ZFHX3: variants seen among roughly 807,000 people sequenced by gnomAD.
ZFHX3 encodes the protein zinc finger homeobox protein 3.
Under a neutral mutation model 279.1 loss-of-function variants are expected in ZFHX3, and 42 were observed. That is an observed-to-expected ratio of 0.15 (90% confidence interval 0.12 to 0.19). The LOEUF (loss-of-function observed/expected upper bound fraction) is 0.19, where lower values mean the gene tolerates loss of function less well. ZFHX3 is among the 10% of genes least tolerant of loss of function. ZFHX3 has a pLI of 1.00. For synonymous variants in ZFHX3, 2,293 were observed against 1,957.8 expected, an observed-to-expected ratio of 1.17 and a Z score of -4.52; for missense variants, 4,981 against 4,754.0, an observed-to-expected ratio of 1.05 and a Z score of -1.40.
At chr16:72,836,647 T>C (rs1230166078) in intron 4 of ZFHX3, among the ~76,000 whole-genome samples, 1 of 151,910 alleles carries the variant, frequency 6.6e-6, no homozygotes, top group Non-Finnish European at 1.5e-5. Context: ...TGGATAATCA[T>C]CTAAATTAAA....
rs142733173 is a variant in ZFHX3 at position 72,793,331 on chromosome 16, C to G, written c.9351G>C (p.Ala3117=). ...GCAACACAGGAGGAATGCCCTGGAG[C>G]GCTGGATATGCTGTAGGAAGGTTAA... ...QALNLPTAYP[A]LQGIPPVLLP... The change falls in exon 9 of 10, where the codon GCG becomes GCC. Residue 3117 remains alanine, a synonymous_variant. Coordinates refer to ENST00000268489, the MANE Select transcript of ZFHX3 (RefSeq NM_006885.4). The surrounding 1 kb of genome is among the most constrained non-coding windows in gnomAD (Gnocchi z 4.3). 3.7e-6 allele frequency: 6 copies of G among 1,614,150 alleles called. No individual in the cohort carries two copies. In the East Asian group the frequency reaches 1.3e-4, roughly 36 times the overall value.
chr16:73,745,270 T>C (rs148345717), intron 1 of ZFHX3, among the ~76,000 whole-genome samples: 42 of 152,344 alleles, frequency 2.8e-4, no homozygotes, highest in African/African-American at 8.4e-4. Flanking sequence ...TGTTTCATAA[T>C]ATGTTGACTT....
At chr16:73,086,944 A>C (rs1966017553) in intron 8 of ZFHX3, among the ~76,000 whole-genome samples, 1 of 152,018 alleles carries the variant, frequency 6.6e-6, no homozygotes. Context: ...ACAAAACAAC[A>C]AAATAGCCAG....
At chr16:73,870,449 G>A (rs566972608) in intron 1 of ZFHX3, among the ~76,000 whole-genome samples, 20 of 152,292 alleles carry the variant, frequency 1.3e-4, no homozygotes, top group South Asian at 4.1e-4. Context: ...AAACGAGGGC[G>A]GAAGGAGGAA....
At chr16:73,519,239 TA>T (rs200977063) in intron 2 of ZFHX3, among the ~76,000 whole-genome samples, 64 of 151,052 alleles carry the variant, frequency 4.2e-4, no homozygotes, top group African/African-American at 1.4e-3. Context: ...AATTTTCCAT[TA>T]AAAAAAAAGA....
intron 2 of ZFHX3, among the ~76,000 whole-genome samples, chr16:73,631,927 T>TCTCACA (rs1437204921): frequency 1.3e-4 from 18 of 136,816 alleles, no homozygotes; most frequent in African/African-American, 4.9e-4. Context: ...TCTCTCTCTC[T>TCTCACA]CACACACACA....
chr16:72,995,840 T>C (rs1328351637), intron 1 of ZFHX3, among the ~76,000 whole-genome samples: 1 of 152,192 alleles, frequency 6.6e-6, no homozygotes, highest in Non-Finnish European at 1.5e-5. Context: ...TGAGCACATA[T>C]GAGAACAGCG....
intron 1 of ZFHX3, among the ~76,000 whole-genome samples, chr16:73,817,134 C>A (rs1045101715): frequency 2.0e-5 from 3 of 152,108 alleles, no homozygotes; most frequent in Non-Finnish European, 4.4e-5. Context: ...CCTGGGTGAC[C>A]ACACAGCTGA....
chr16:73,148,747 G>C (rs1567402743), intron 5 of ZFHX3, among the ~76,000 whole-genome samples: 1 of 151,560 alleles, frequency 6.6e-6, no homozygotes, highest in Non-Finnish European at 1.5e-5. Flanking sequence ...AGGAGTTCAA[G>C]ATCAGCCTGG....
intron 1 of ZFHX3, among the ~76,000 whole-genome samples, chr16:73,735,901 T>TGTTTGCTTGTTTG (rs375304884): frequency 6.9e-6 from 1 of 145,952 alleles, no homozygotes. Flanking sequence ...GTTTTTTTTT[T>TGTTTGCTTGTTTG]TTTTTTTTTT....
intron 2 of ZFHX3, among the ~76,000 whole-genome samples, chr16:73,578,883 C>T (rs1429046317): frequency 3.3e-5 from 5 of 152,104 alleles, no homozygotes; most frequent in Non-Finnish European, 5.9e-5. Context: ...AATTCTAAGG[C>T]CCCCAGTCAT....
intron 2 of ZFHX3, among the ~76,000 whole-genome samples, chr16:73,670,637 C>T (rs1029948853): frequency 1.7e-4 from 26 of 152,086 alleles, no homozygotes; most frequent in Non-Finnish European, 3.1e-4. Flanking sequence ...ATAGGGAAAA[C>T]GTAATGAAAT....
At chr16:73,307,187 C>T (rs978558511) in intron 4 of ZFHX3, among the ~76,000 whole-genome samples, 1 of 152,216 alleles carries the variant, frequency 6.6e-6, no homozygotes, top group African/African-American at 2.4e-5. Context: ...CCCTGTCCAT[C>T]AAGTCATCTG....
chr16:73,738,549 T>A (rs1046189919), intron 1 of ZFHX3, among the ~76,000 whole-genome samples: 1 of 152,246 alleles, frequency 6.6e-6, no homozygotes, highest in Non-Finnish European at 1.5e-5. Context: ...TTGCTAGTTC[T>A]AAGGCTGAAT....
At chr16:73,238,517 G>T (rs969587739) in intron 5 of ZFHX3, among the ~76,000 whole-genome samples, 2 of 151,268 alleles carry the variant, frequency 1.3e-5, no homozygotes, top group African/African-American at 4.9e-5. Context: ...TATTCCTATC[G>T]CTCTTCTCTT....
intron 2 of ZFHX3, among the ~76,000 whole-genome samples, chr16:73,591,476 G>A (rs1192935345): frequency 4.0e-5 from 6 of 151,466 alleles, no homozygotes; most frequent in South Asian, 4.2e-4. Flanking sequence ...GGTAGATCAC[G>A]AAGTCAGGAG....
intron 1 of ZFHX3, among the ~76,000 whole-genome samples, chr16:72,990,423 A>C (rs1188655663): frequency 6.6e-6 from 1 of 152,100 alleles, no homozygotes. Flanking sequence ...GGCCCCCATC[A>C]CCACATACTG....
intron 5 of ZFHX3, among the ~76,000 whole-genome samples, chr16:73,147,584 C>T (rs867109938): frequency 4.8e-5 from 7 of 144,450 alleles, no homozygotes; most frequent in Non-Finnish European, 9.0e-5. Flanking sequence ...CCCAGCTACT[C>T]GGGAGGCTGA....
At chr16:73,173,657 A>T (rs1458918969) in intron 5 of ZFHX3, among the ~76,000 whole-genome samples, 1 of 152,150 alleles carries the variant, frequency 6.6e-6, no homozygotes, top group East Asian at 1.9e-4. Flanking sequence ...TGCAACTCAG[A>T]GGCGGTCCCT....
Sources: allele counts gnomAD v4.1 joint callset (sites outside exome capture counted in the v4.1 genomes callset), GRCh38; gene constraint gnomAD v4.1.1; non-coding constraint Gnocchi (gnomAD v3.1); transcripts MANE v1.5; gene names NCBI Gene and HGNC (gene_info 2026-07-23, HGNC 2026-07-21).